Variants in CCDC63 observed in about 807,000 individuals in gnomAD.
CCDC63 encodes coiled-coil domain containing 63.
A neutral mutation model predicts 63.6 loss-of-function variants in CCDC63; 54 were observed. That is an observed-to-expected ratio of 0.85 (90% CI 0.68 to 1.07). CCDC63 has a LOEUF of 1.07. Ranked by LOEUF, CCDC63 falls within the 50% of genes least tolerant of loss-of-function variation. The pLI, the probability that CCDC63 is intolerant of heterozygous loss-of-function variation, is 0.00. For synonymous variants in CCDC63, 253 were observed against 266.1 expected (o/e 0.95, Z 0.48); for missense variants, 637 against 689.6 (o/e 0.92, Z 0.86).
rs200731252 is a variant in CCDC63 at position 110,907,330 on chromosome 12, G to A, written c.1547-1G>A. On this transcript the variant is annotated splice_acceptor_variant, in intron 11 of 11. Transcript: ENST00000308208. LOFTEE classifies it high-confidence loss of function. The surrounding 1 kb of genome is among the most constrained non-coding windows in gnomAD (Gnocchi z 4.4). Reference sequence around the variant, plus strand: ...CTCACACAAATCTGATCTTGGTGCAGTGGAACAGCCCCTGGACCACAGCAG... The same window carrying A: ...CTCACACAAATCTGATCTTGGTGCAATGGAACAGCCCCTGGACCACAGCAG... 1.4e-5 allele frequency: 23 copies of A among 1,613,088 alleles called. No homozygotes were observed. The highest frequency in any genetic ancestry group is 1.9e-5 in the Non-Finnish European group (23 of 1,179,788).
intron 4 of CCDC63, among the ~76,000 whole-genome samples, chr12:110,866,214 G>T (rs917515864): frequency 2.0e-5 from 3 of 152,046 alleles, no homozygotes; most frequent in African/African-American, 7.3e-5. Context: ...CTGACCTCAG[G>T]TGATCCACCT....
rs2071553876 is a variant in CCDC63 at position 110,905,867 on chromosome 12, T to TA, written c.1546+1077dup. Among the ~76,000 whole-genome samples the TA allele has an allele frequency of 1.2e-4, 9 of 75,722 alleles. No homozygotes were observed. In the South Asian group the frequency reaches 2.3e-3, roughly 20 times the overall value. 49.7% of individuals were successfully genotyped at this position (75,722 alleles called of 152,430 possible). On this transcript the variant is annotated intron_variant, in intron 11 of 11. Transcript: ENST00000308208. ...ATATATATGTGTGTGTGTATGTGTA[T>TA]ATATGTGTGTGTGTATATATATAAT...
intron 2 of CCDC63, 36 bp downstream of exon 2, chr12:110,852,999 C>T (rs367765406): frequency 6.2e-7 from 1 of 1,609,472 alleles, no homozygotes; most frequent in Non-Finnish European, 8.5e-7. Context: ...AGAGCACCTA[C>T]TATGGGGTCA....
rs192080755 is a variant in CCDC63, at chr12:110,853,812, G to A, written c.179+238G>A. ...GCAGGGTGTTTTGGGGACCCCTGGT[G>A]GGCAGGGCACCCAGATCTCAGGGAA... On this transcript the variant is annotated intron_variant, in intron 3 of 11. Transcript: ENST00000308208. Among the ~76,000 whole-genome samples the A allele has an allele frequency of 9.8e-4, 150 of 152,306 alleles. 1 individual carries two copies. Among genetic ancestry groups the A allele is most frequent in the African/African-American group, 3.5e-3 (145 of 41,574 alleles).
upstream of CCDC63, chr12:110,846,802 G>A (rs752175696): frequency 7.9e-5 from 12 of 152,346 alleles, no homozygotes; most frequent in African/African-American, 1.7e-4. Flanking sequence ...GTAAGGGGTC[G>A]CTGGAGAGTG....
At chr12:110,896,272 C>T (rs1246693868) in intron 9 of CCDC63, among the ~76,000 whole-genome samples, 2 of 152,158 alleles carry the variant, frequency 1.3e-5, no homozygotes, top group Non-Finnish European at 1.5e-5. Flanking sequence ...TCCTAGTGTG[C>T]TGGGATTATA....
At position 110,887,786 on chromosome 12, in the gene CCDC63, A is replaced by G. The variant is rs1267777303; in HGVS notation, c.1074+3536A>G. Among the ~76,000 whole-genome samples the G allele has an allele frequency of 3.3e-5, 5 of 151,838 alleles. No individual in the cohort carries two copies. The South Asian group carries it at 1.0e-3, about 32-fold the overall frequency. On this transcript the variant is annotated intron_variant, in intron 8 of 11. Coordinates refer to ENST00000308208, the MANE Select transcript of CCDC63 (RefSeq NM_152591.3). The stretch of plus-strand genomic sequence containing the variant: ...GCTAATTTTTGTATTTTTAGTAGAG[A>G]CGGGGTTTCACCATGTTGGCCAGGA...
chr12:110,867,912 G>T, intron 4 of CCDC63, among the ~76,000 whole-genome samples: 1 of 148,454 alleles, frequency 6.7e-6, no homozygotes. Flanking sequence ...GCTGCCAGGC[G>T]GAGAGGCTCC....
At chr12:110,845,129 T>C (rs575546468), upstream of CCDC63, among the ~76,000 whole-genome samples, 1 of 152,332 alleles carries the variant, frequency 6.6e-6, no homozygotes, top group Admixed American at 6.5e-5. Flanking sequence ...CGTCTCTGCA[T>C]GGCGGCTGCT....
chr12:110,850,570 C>T (rs1268744845), intron 1 of CCDC63, among the ~76,000 whole-genome samples: 1 of 152,060 alleles, frequency 6.6e-6, no homozygotes, highest in Non-Finnish European at 1.5e-5. Context: ...GGTGAAACCC[C>T]GTCTCTACTA....
At chr12:110,896,999 A>T (rs1315138180) in intron 9 of CCDC63, among the ~76,000 whole-genome samples, 1 of 152,212 alleles carries the variant, frequency 6.6e-6, no homozygotes, top group Non-Finnish European at 1.5e-5. Context: ...TTGTCCTGGG[A>T]CCACACTTTA....
chr12:110,888,786 TTTCCTTCCTTCCTTCC>T (rs539750683), intron 8 of CCDC63, among the ~76,000 whole-genome samples: 12,322 of 85,412 alleles, frequency 0.14, 923 homozygotes, highest in African/African-American at 0.17. Context: ...TTGGTCCTTC[TTTCCTTCCTTCCTTCC>T]TTCCTTCCTT....
At chr12:110,906,795 G>A (rs1021261822) in intron 11 of CCDC63, among the ~76,000 whole-genome samples, 1 of 152,092 alleles carries the variant, frequency 6.6e-6, no homozygotes, top group Non-Finnish European at 1.5e-5. Context: ...CTAAAAGGTT[G>A]GGGGGAGAGG....
rs757216389 is a variant in CCDC63, at chr12:110,853,520, T to C, written c.125T>C (p.Val42Ala). Residue 42 changes from valine to alanine, a missense_variant, in exon 3 of 12, where the codon GTG becomes GCG. Physicochemically the swap from Val to Ala is moderately conservative, Grantham distance 64 (BLOSUM62 0). Transcript: ENST00000308208. ...RKLRQQFRKM[V>A]ESRKSFKFRN... ...CTAAGGCAGCAGTTCAGGAAGATGG[T>C]GGAAAGCCGGAAGTCTTTTAAGTTC... is the stretch of plus-strand genomic sequence containing the variant. 1.4e-5 allele frequency: 23 copies of C among 1,614,056 alleles called. No homozygotes were observed. Among genetic ancestry groups the C allele is most frequent in the Non-Finnish European group, 1.9e-5 (23 of 1,180,040 alleles).
chr12:110,900,512 C>T (rs1221319776), intron 10 of CCDC63, among the ~76,000 whole-genome samples: 2 of 151,982 alleles, frequency 1.3e-5, no homozygotes, highest in Non-Finnish European at 2.9e-5. Context: ...ACCCTAAGCT[C>T]AGAGAGGACA....
At chr12:110,900,810 G>C (rs1203869373) in intron 10 of CCDC63, among the ~76,000 whole-genome samples, 1 of 152,130 alleles carries the variant, frequency 6.6e-6, no homozygotes, top group African/African-American at 2.4e-5. Flanking sequence ...ATGTTGGCCA[G>C]GATGGTCTCG....
At chr12:110,856,274 A>C (rs1280503786) in intron 3 of CCDC63, among the ~76,000 whole-genome samples, 1 of 150,906 alleles carries the variant, frequency 6.6e-6, no homozygotes, top group South Asian at 2.1e-4. Context: ...TTAGTAGAGA[A>C]AGGGTTTCGA....
chr12:110,881,005 A>G, intron 6 of CCDC63, 110 bp from the exon 7 acceptor site: 1 of 965,514 alleles, frequency 1.0e-6, no homozygotes. Flanking sequence ...CTTTATGATA[A>G]ATAAAAGTGA....
chr12:110,848,508 T>A (rs1447851440), intron 1 of CCDC63, among the ~76,000 whole-genome samples: 1 of 152,248 alleles, frequency 6.6e-6, no homozygotes, highest in East Asian at 1.9e-4. Context: ...AGTGACTATG[T>A]ATGCGCATAT....
Sources: allele counts gnomAD v4.1 joint callset (sites outside exome capture counted in the v4.1 genomes callset), GRCh38; gene constraint gnomAD v4.1.1; non-coding constraint Gnocchi (gnomAD v3.1); transcripts MANE v1.5; gene names NCBI Gene and HGNC (gene_info 2026-07-23, HGNC 2026-07-21).